The following TET1 variants were observed in gnomAD, a reference collection of about 807,000 sequenced individuals.
TET1 encodes tet methylcytosine dioxygenase 1.
TET1 carries 13 observed loss-of-function variants against 148.7 expected under a neutral mutation model. The ratio of observed to expected loss-of-function variants is 0.09; its 90% confidence interval spans 0.06 to 0.14. The LOEUF is 0.14. Among genes scored for constraint, TET1 ranks in the 10% least tolerant of loss-of-function variants. TET1 has a pLI of 1.00. For synonymous variants in TET1, 907 were observed against 937.2 expected (o/e 0.97, Z 0.59); for missense variants, 2,182 against 2,553.8 (o/e 0.85, Z 3.14).
intron 3 of TET1, among the ~76,000 whole-genome samples, chr10:68,624,051 C>CGATAT (rs2054412108): frequency 6.6e-6 from 1 of 151,274 alleles, no homozygotes; most frequent in Admixed American, 6.6e-5. Context: ...TTTCATGAAG[C>CGATAT]AATATAATAG....
chr10:68,609,925 G>A (rs1352886440), intron 3 of TET1, among the ~76,000 whole-genome samples: 1 of 151,776 alleles, frequency 6.6e-6, no homozygotes, highest in East Asian at 1.9e-4. Flanking sequence ...AGGCTAGTGG[G>A]TTGCCTGAGC....
chr10:68,683,729 A>G (rs2055471530), intron 10 of TET1, among the ~76,000 whole-genome samples: 1 of 152,146 alleles, frequency 6.6e-6, no homozygotes, highest in African/African-American at 2.4e-5. Context: ...TAAAGTAACA[A>G]TTCTCTGCTA....
At position 68,667,179 on chromosome 10, in the gene TET1, G is replaced by A. The variant is rs2133176925; in HGVS notation, c.4596G>A (p.Arg1532=). The part of the protein sequence containing the change: ...WDGIPLPMAD[R]LYTELTENLK... ...GCATCCCTCTTCCAATGGCCGACCG[G>A]CTATACACAGAGCTCACAGAGAATC... is the stretch of plus-strand genomic sequence containing the variant. The change falls in exon 7 of 12, where the codon CGG becomes CGA. Residue 1532 remains arginine, a synonymous_variant. Coordinates refer to ENST00000373644, the MANE Select transcript of TET1 (RefSeq NM_030625.3). 1.2e-6 allele frequency: 2 copies of A among 1,614,044 alleles called. No homozygotes were observed. The highest frequency in any genetic ancestry group is 1.7e-6 in the Non-Finnish European group (2 of 1,180,002).
At chr10:68,594,054 T>G (rs1365462696) in intron 2 of TET1, among the ~76,000 whole-genome samples, 2 of 147,960 alleles carry the variant, frequency 1.4e-5, no homozygotes, top group African/African-American at 5.0e-5. Context: ...GCCTCCTGAC[T>G]AGCTGGGACT....
At chr10:68,605,366 G>A (rs147809134) in intron 3 of TET1, among the ~76,000 whole-genome samples, 1,556 of 152,178 alleles carry the variant, frequency 0.01, 27 homozygotes, top group African/African-American at 0.036. Flanking sequence ...CCACCTACTC[G>A]GGAGGCTGCG....
Position 68,625,773 on chromosome 10 carries a change from C to T in TET1, c.1969-18925C>T, listed in dbSNP as rs141100255. Among the ~76,000 whole-genome samples the T allele has an allele frequency of 3.7e-3, 558 of 152,114 alleles. 1 individual carries two copies. The highest frequency in any genetic ancestry group is 0.013 in the African/African-American group (530 of 41,504). The stretch of plus-strand genomic sequence containing the variant: ...AATGCAGTCCCAGATTTGAATTTAT[C>T]TGTTTATAACTGTTAGGAAATACTT... On this transcript the variant is annotated intron_variant, in intron 3 of 11. Coordinates refer to ENST00000373644, the MANE Select transcript of TET1 (RefSeq NM_030625.3).
intron 3 of TET1, among the ~76,000 whole-genome samples, chr10:68,639,418 T>G (rs1481406644): frequency 6.7e-6 from 1 of 149,666 alleles, no homozygotes; most frequent in Non-Finnish European, 1.5e-5. Flanking sequence ...CAAGACTCCG[T>G]CTCAAAGATT....
In TET1 at chr10:68,691,286, G is replaced by A. The variant is rs1321353319; in HGVS notation, c.5883G>A (p.Glu1961=). ...DLASSPMEED[E]QHSEADEPPS... ...CCTCTTCTCCAATGGAAGAAGATGAGCAGCATTCTGAAGCAGATGAGCCTC... is the reference window on the plus strand; with the variant it reads ...CCTCTTCTCCAATGGAAGAAGATGAACAGCATTCTGAAGCAGATGAGCCTC... The change falls in exon 12 of 12, where the codon GAG becomes GAA. Residue 1961 remains glutamate, a synonymous_variant. Transcript: ENST00000373644. The surrounding 1 kb of genome is among the most constrained non-coding windows in gnomAD (Gnocchi z 4.4). 3 of 1,614,164 alleles carry A rather than the reference G, an allele frequency of 1.9e-6. No individual in the cohort carries two copies. In the South Asian group the frequency reaches 3.3e-5, roughly 18 times the overall value.
intron 2 of TET1, among the ~76,000 whole-genome samples, chr10:68,595,983 TACACACACACACACACACACAC>T (rs773605594): frequency 2.0e-5 from 1 of 50,402 alleles, no homozygotes; most frequent in East Asian, 6.5e-4. Context: ...CACACATATA[TACACACACACACACACACACAC>T]ACACACACAC....
chr10:68,668,740 C>T (rs1254928133), intron 7 of TET1, among the ~76,000 whole-genome samples: 1 of 152,034 alleles, frequency 6.6e-6, no homozygotes, highest in Non-Finnish European at 1.5e-5. Context: ...CTTTGGGAGG[C>T]CGACAAGGGA....
At chr10:68,630,928 A>G (rs2054559360) in intron 3 of TET1, among the ~76,000 whole-genome samples, 1 of 152,184 alleles carries the variant, frequency 6.6e-6, no homozygotes, top group Admixed American at 6.6e-5. Context: ...TTTTATCCCA[A>G]TACTTTGGGA....
chr10:68,639,074 TA>T (rs34061936), intron 3 of TET1, among the ~76,000 whole-genome samples: 59,927 of 151,766 alleles, frequency 0.39, 12,023 homozygotes, highest in East Asian at 0.44. Context: ...ATATAACTAA[TA>T]AAAAAGTTCA....
At chr10:68,595,423 G>A (rs534957089) in intron 2 of TET1, among the ~76,000 whole-genome samples, 1 of 151,978 alleles carries the variant, frequency 6.6e-6, no homozygotes, top group East Asian at 1.9e-4. Flanking sequence ...CTTGAGGAAA[G>A]GTGAATTACT....
chr10:68,665,281 TACACAC>T (rs58374790), intron 6 of TET1, among the ~76,000 whole-genome samples: 3 of 151,106 alleles, frequency 2.0e-5, no homozygotes, highest in African/African-American at 4.9e-5. Context: ...AGTTTACACA[TACACAC>T]ACACACACAC....
chr10:68,628,355 G>A (rs149209663), intron 3 of TET1, among the ~76,000 whole-genome samples: 1 of 152,202 alleles, frequency 6.6e-6, no homozygotes, highest in African/African-American at 2.4e-5. Context: ...TGACTAGAAG[G>A]TGTCGTCGTT....
chr10:68,653,461 A>G (rs1450838571), intron 6 of TET1, among the ~76,000 whole-genome samples: 3 of 152,206 alleles, frequency 2.0e-5, no homozygotes, highest in African/African-American at 7.2e-5. Flanking sequence ...ATTTTATCAT[A>G]TTAGTATATA....
At chr10:68,595,983 TAC>T (rs773605594) in intron 2 of TET1, among the ~76,000 whole-genome samples, 1,508 of 50,364 alleles carry the variant, frequency 0.03, 49 homozygotes, top group African/African-American at 0.052. Context: ...CACACATATA[TAC>T]ACACACACAC....
rs781372537 is a variant in TET1 at position 68,574,030 on chromosome 10, G to T, written c.1692G>T (p.Met564Ile). The T allele has an allele frequency of 6.2e-7, 1 of 1,614,166 alleles. No individual in the cohort carries two copies. The highest frequency in any genetic ancestry group is 8.5e-7 in the Non-Finnish European group (1 of 1,180,034). Residue 564 changes from methionine (M) to isoleucine (I), a missense_variant, in exon 2 of 12, where the codon ATG becomes ATT. Met to Ile is a conservative substitution (Grantham distance 10). Transcript: ENST00000373644. ...VHVVNTTVVT[M>I]PVPMVSTSSS... ...TTGTCAACACCACAGTGGTGACTAT[G>T]CCAGTGCCAATGGTCAGTACCTCCT... is the stretch of plus-strand genomic sequence containing the variant.
Position 68,573,154 on chromosome 10 carries a change from G to C in TET1, c.816G>C (p.Glu272Asp). 1 of 1,614,162 alleles carries C rather than the reference G, an allele frequency of 6.2e-7. No individual in the cohort carries two copies. ...GAAACCCCAGCATTCAGTTAGAAGA[G>C]TTGGGTTCACGAGTAGAATCTCTTA... Reference protein sequence around the residue: ...SQGNPSIQLEELGSRVESLKL... With the variant: ...SQGNPSIQLEDLGSRVESLKL... The change falls in exon 2 of 12, where the codon GAG becomes GAC. Residue 272 changes from glutamate to aspartate, a missense_variant. This residue lies in a region of TET1 where 665 missense variants were observed against 672.4 expected (regional missense o/e 0.99). Coordinates refer to ENST00000373644, the MANE Select transcript of TET1 (RefSeq NM_030625.3).
Sources: gnomAD v4.1 joint callset for allele counts (sites outside exome capture counted in the v4.1 genomes callset) on GRCh38, gnomAD v4.1.1 for gene constraint, gnomAD v4.1.1 regional missense constraint, Gnocchi (gnomAD v3.1) non-coding constraint, MANE v1.5 for transcripts, NCBI Gene and HGNC (gene_info 2026-07-23, HGNC 2026-07-21) for gene names.